ACE: variants seen among roughly 807,000 people sequenced by gnomAD.
ACE encodes the protein angiotensin I converting enzyme.
A neutral mutation model predicts 162.3 loss-of-function variants in ACE; 122 were observed. That is an observed-to-expected ratio of 0.75 (90% confidence interval 0.65 to 0.87). The LOEUF is 0.87. ACE is among the 40% of genes least tolerant of loss of function. The probability of loss-of-function intolerance (pLI) is 0.00; values close to 1 mark genes in which losing one functional copy is unlikely to be tolerated. For missense variants in ACE, 1,799 were observed against 1,735.1 expected, an observed-to-expected ratio of 1.04 and a Z score of -0.65; for synonymous variants, 796 against 720.6, an observed-to-expected ratio of 1.10 and a Z score of -1.68.
At position 63,497,204 on chromosome 17, in the gene ACE, G is replaced by C; in HGVS notation, c.3759G>C (p.Gln1253His). The C allele has an allele frequency of 2.5e-6, 4 of 1,600,594 alleles. No individual in the cohort carries two copies. Among genetic ancestry groups the C allele is most frequent in the Non-Finnish European group, 3.4e-6 (4 of 1,177,724 alleles). Residue 1253 changes from glutamine (Q) to histidine (H), a missense_variant, in exon 25 of 25, where the codon CAG becomes CAC. Gln to His is a conservative substitution (Grantham distance 24). Coordinates refer to ENST00000290866, the MANE Select transcript of ACE (RefSeq NM_000789.4). The stretch of plus-strand genomic sequence containing the variant: ...TCCTGGGCCTGGACCTGGATGCGCA[G>C]CAGGCCCGCGTGGGCCAGTGGCTGC... ...VSFLGLDLDA[Q>H]QARVGQWLLL... is the part of the protein sequence containing the mutation.
In ACE at chr17:63,482,609, G is replaced by A. The variant is rs2049729061; in HGVS notation, c.1262G>A (p.Gly421Glu). ...AACCCCGGCTTCCATGAGGCCATTG[G>A]GGACGTGCTGGCGCTCTCGGTCTCC... is the stretch of plus-strand genomic sequence containing the variant. ...GANPGFHEAI[G>E]DVLALSVSTP... is the part of the protein sequence containing the mutation. The change falls in exon 8 of 25, where the codon GGG (glycine) becomes GAG (glutamate). Residue 421 changes from glycine to glutamate, a missense_variant. Physicochemically the swap from Gly to Glu is moderately conservative, Grantham distance 98. Coordinates refer to ENST00000290866, the MANE Select transcript of ACE (RefSeq NM_000789.4). 1.2e-6 allele frequency: 2 copies of A among 1,614,104 alleles called. No individual in the cohort carries two copies. The highest frequency in any genetic ancestry group is 4.5e-5 in the East Asian group (2 of 44,864).
In ACE at chr17:63,486,651, A is replaced by G. The variant is rs1316503803; in HGVS notation, c.2153A>G (p.Lys718Arg). ...AACCAGTTGCAGAACACCACTATCA[A>G]GCGGATCATAAAGAAGGTTCAGGAC... ...DVNQLQNTTI[K>R]RIIKKVQDLE... The change falls in exon 14 of 25, where the codon AAG (lysine) becomes AGG (arginine). Residue 718 changes from lysine to arginine, a missense_variant. Coordinates refer to ENST00000290866, the MANE Select transcript of ACE (RefSeq NM_000789.4). The G allele has an allele frequency of 1.9e-6, 3 of 1,614,102 alleles. No homozygotes were observed. Among genetic ancestry groups the G allele is most frequent in the African/African-American group, 2.7e-5 (2 of 74,940 alleles).
In ACE at chr17:63,478,981, A is replaced by C. The variant is rs182340837; in HGVS notation, c.418-26A>C. On this transcript the variant is annotated intron_variant, in intron 2 of 24. Coordinates refer to ENST00000290866, the MANE Select transcript of ACE (RefSeq NM_000789.4). ...AGATGTCCCAGGGGCTGGTCACTGG[A>C]GCATTCCTCCCCTCTGACTCCCCAG... The C allele has an allele frequency of 3.0e-4, 483 of 1,597,078 alleles. 3 individuals are homozygous for C. The East Asian group carries it at 7.9e-3, about 26-fold the overall frequency.
At chr17:63,494,580 G>A in intron 22 of ACE, 110 bp downstream of exon 22, 6 of 1,024,820 alleles carry the variant, frequency 5.9e-6, no homozygotes, top group Non-Finnish European at 8.9e-6. Context: ...GCAGACCCGG[G>A]GGAGCCGGCC....
rs530256229 is a variant in ACE, at chr17:63,484,831, G to A, written c.1921+290G>A. On this transcript the variant is annotated intron_variant, in intron 12 of 24. Transcript: ENST00000290866. This position sits in a 1 kb window ranked among gnomAD's most constrained non-coding sequence, Gnocchi z 4.0. ...CTGCGGGCTCCGCTCTTATTGGCCA[G>A]GGGACGGTAGCTGCAGGACTCTGCT... is the stretch of plus-strand genomic sequence containing the variant. 1.4e-5 allele frequency: 21 copies of A among 1,538,238 alleles called. No individual in the cohort carries two copies. Among genetic ancestry groups the A allele is most frequent in the South Asian group, 2.4e-5 (2 of 82,522 alleles).
chr17:63,483,106 T>C lies in ACE; in HGVS notation c.1420T>C (p.Trp474Arg), dbSNP rs772897915. 3.7e-6 allele frequency: 6 copies of C among 1,614,060 alleles called. No homozygotes were observed. Among genetic ancestry groups the C allele is most frequent in the Non-Finnish European group, 4.2e-6 (5 of 1,180,050 alleles). ...GCCCTTTGGCTACTTGGTGGACCAG[T>C]GGCGCTGGGGGGTCTTTAGTGGGCG... ...FLPFGYLVDQ[W>R]RWGVFSGRTP... The change falls in exon 9 of 25, where the codon TGG (tryptophan) becomes CGG (arginine). Residue 474 changes from tryptophan (W) to arginine (R), a missense_variant. Trp to Arg is a moderately radical substitution (Grantham distance 101). Coordinates refer to ENST00000290866, the MANE Select transcript of ACE (RefSeq NM_000789.4).
Position 63,494,409 on chromosome 17 carries a change from A to T in ACE, c.3319A>T (p.Thr1107Ser). The T allele has an allele frequency of 6.2e-7, 1 of 1,614,080 alleles. No homozygotes were observed. The highest frequency in any genetic ancestry group is 8.5e-7 in the Non-Finnish European group (1 of 1,180,016). The change falls in exon 22 of 25, where the codon ACT (threonine) becomes TCT (serine). Residue 1107 changes from threonine to serine, a missense_variant. By Grantham distance (58) the Thr-to-Ser change is moderately conservative. Coordinates refer to ENST00000290866, the MANE Select transcript of ACE (RefSeq NM_000789.4). ...YQGLCPPVPR[T>S]QGDFDPGAKF... ...GGGCCTCTGCCCCCCAGTGCCCAGG[A>T]CTCAAGGTGACTTTGACCCAGGGGC...
Position 63,493,940 on chromosome 17 carries a change from T to G in ACE, c.3155T>G (p.Leu1052Arg). The G allele has an allele frequency of 6.2e-7, 1 of 1,614,118 alleles. No homozygotes were observed. The highest frequency in any genetic ancestry group is 8.5e-7 in the Non-Finnish European group (1 of 1,180,028). The change falls in exon 21 of 25, where the codon CTG becomes CGG. Residue 1052 changes from leucine (L) to arginine (R), a missense_variant. Physicochemically the swap from Leu to Arg is moderately radical, Grantham distance 102 (BLOSUM62 -2). Transcript: ENST00000290866. The part of the protein sequence containing the change: ...GGSDEHDINF[L>R]MKMALDKIAF... The stretch of plus-strand genomic sequence containing the variant: ...CTTGCAGAGCATGACATCAACTTTC[T>G]GATGAAGATGGCCCTTGACAAGATC...
chr17:63,483,614 C>G, intron 10 of ACE, 56 bp downstream of exon 10: 1 of 1,325,748 alleles, frequency 7.5e-7, no homozygotes, highest in Non-Finnish European at 1.0e-6. Context: ...CAATCCACTT[C>G]TCCTCCTGTG....
rs1424010441 is a variant in ACE, at chr17:63,484,723, C to T, written c.1921+182C>T. 5 of 1,453,602 alleles carry T rather than the reference C, an allele frequency of 3.4e-6. No individual in the cohort carries two copies. The East Asian group carries it at 1.2e-4, about 36-fold the overall frequency. 90.0% of individuals were successfully genotyped at this position (1,453,602 alleles called of 1,614,324 possible). Reference sequence around the variant, plus strand: ...AGTGGGGACAGGCATGTCTTTCCCCCAGCATCCTAGAGAGGGTGTGCTCAG... The same window carrying T: ...AGTGGGGACAGGCATGTCTTTCCCCTAGCATCCTAGAGAGGGTGTGCTCAG... On this transcript the variant is annotated intron_variant, in intron 12 of 24. Coordinates refer to ENST00000290866, the MANE Select transcript of ACE (RefSeq NM_000789.4). This position sits in a 1 kb window ranked among gnomAD's most constrained non-coding sequence, Gnocchi z 4.0.
chr17:63,490,607 C>T (rs1258664941), intron 17 of ACE: 1 of 370,702 alleles, frequency 2.7e-6, no homozygotes, highest in Non-Finnish European at 5.2e-6. Context: ...GGTGCAGAGC[C>T]AATAAGAGGT....
chr17:63,481,014 G>A (rs1302671092), intron 5 of ACE, 77 bp from the exon 6 acceptor site: 71 of 1,432,206 alleles, frequency 5.0e-5, no homozygotes, highest in Non-Finnish European at 6.6e-5. Context: ...CCGGCCCCAG[G>A]GTGCCACTCA....
At position 63,477,280 on chromosome 17, in the gene ACE, C is replaced by A; in HGVS notation, c.186C>A (p.Phe62Leu). 1 of 1,464,932 alleles carries A rather than the reference C, an allele frequency of 6.8e-7. No homozygotes were observed. Among genetic ancestry groups the A allele is most frequent in the East Asian group, 2.9e-5 (1 of 34,082 alleles). The allele number at this position is 1,464,932 out of a possible 1,614,324, so 90.7% of individuals were successfully genotyped here. A position where few individuals can be genotyped will look rare whatever the true frequency, so the allele number is the denominator to read the frequency against. The change falls in exon 1 of 25, where the codon TTC (phenylalanine) becomes TTA (leucine). Residue 62 changes from phenylalanine (F) to leucine (L), a missense_variant. By Grantham distance (22) the Phe-to-Leu change is conservative (BLOSUM62 0). Coordinates refer to ENST00000290866, the MANE Select transcript of ACE (RefSeq NM_000789.4). ...SYNSSAEQVLFQSVAASWAHD... is the reference protein window; with the variant it reads ...SYNSSAEQVLLQSVAASWAHD... ...ACTCCAGCGCCGAACAGGTGCTGTT[C>A]CAGAGCGTGGCCGCCAGCTGGGCGC...
intron 4 of ACE, 129 bp downstream of exon 4, chr17:63,480,041 A>G: frequency 7.1e-7 from 1 of 1,416,692 alleles, no homozygotes; most frequent in Non-Finnish European, 9.6e-7. Flanking sequence ...GTTTCCCAGA[A>G]AGTGGAGGTG....
At position 63,483,856 on chromosome 17, in the gene ACE, G is replaced by T. The variant is rs2029861375; in HGVS notation, c.1594G>T (p.Val532Leu). 1 of 1,613,994 alleles carries T rather than the reference G, an allele frequency of 6.2e-7. No individual in the cohort carries two copies. The change falls in exon 11 of 25, where the codon GTG (valine) becomes TTG (leucine). Residue 532 changes from valine to leucine, a missense_variant. Physicochemically the swap from Val to Leu is conservative, Grantham distance 32. Transcript: ENST00000290866. ...CCCACCCTGTGCCTGCAGGTACTTT[G>T]TGAGTTTTGTCCTGCAGTTCCAGTT... ...PNVTPYIRYF[V>L]SFVLQFQFHE...
At position 63,481,152 on chromosome 17, in the gene ACE, G is replaced by A. The variant is rs765053827; in HGVS notation, c.909G>A (p.Lys303=). 2.0e-6 allele frequency: 3 copies of A among 1,481,430 alleles called. No individual in the cohort carries two copies. In the South Asian group the frequency reaches 3.4e-5, roughly 17 times the overall value. The allele number at this position is 1,481,430 out of a possible 1,614,324, so 91.8% of individuals were successfully genotyped here. A position where few individuals can be genotyped will look rare whatever the true frequency, so the allele number is the denominator to read the frequency against. ...ACATGGTGGTGCCTTTCCCAGACAA[G>A]CCCAACCTCGATGTCACCAGTACTA... ...IYDMVVPFPD[K]PNLDVTSTML... is the part of the protein sequence containing the mutation. Residue 303 remains lysine, a synonymous_variant, in exon 6 of 25, where the codon AAG becomes AAA. Coordinates refer to ENST00000290866, the MANE Select transcript of ACE (RefSeq NM_000789.4).
Position 63,480,294 on chromosome 17 carries a change from G to C in ACE, c.656-43G>C, listed in dbSNP as rs200348541. Reference sequence around the variant, plus strand: ...ACTTACAGCTGAGAGGCTGAGGTCCGAGCCTTTGGCCTGAGCTACATACCT... The same window carrying C: ...ACTTACAGCTGAGAGGCTGAGGTCCCAGCCTTTGGCCTGAGCTACATACCT... On this transcript the variant is annotated intron_variant, in intron 4 of 24. Transcript: ENST00000290866. The C allele has an allele frequency of 1.5e-3, 2,439 of 1,604,880 alleles. 1 individual carries two copies. The highest frequency in any genetic ancestry group is 1.9e-3 in the Non-Finnish European group (2,212 of 1,173,652).
At chr17:63,486,011 C>G (rs1056769802) in intron 13 of ACE, among the ~76,000 whole-genome samples, 1 of 152,092 alleles carries the variant, frequency 6.6e-6, no homozygotes, top group Admixed American at 6.6e-5. Flanking sequence ...AAGTGGTGCT[C>G]AAGTCGTTTT....
chr17:63,478,275 G>A, intron 2 of ACE, 177 bp downstream of exon 2: 1 of 793,544 alleles, frequency 1.3e-6, no homozygotes, highest in East Asian at 2.7e-5. Flanking sequence ...TCTTGGAGAT[G>A]GGGTGGGGAG....
Sources: gnomAD v4.1 joint callset for allele counts (sites outside exome capture counted in the v4.1 genomes callset) on GRCh38, gnomAD v4.1.1 for gene constraint, Gnocchi (gnomAD v3.1) non-coding constraint, MANE v1.5 for transcripts, NCBI Gene and HGNC (gene_info 2026-07-23, HGNC 2026-07-21) for gene names.